The following LOC128125817 variants were observed in gnomAD, a reference collection of about 807,000 sequenced individuals.
At chr1:41,589,538 A>G in the LOC128125817 span, among the ~76,000 whole-genome samples, 1 of 152,256 alleles carries the variant, frequency 6.6e-6, no homozygotes, top group East Asian at 1.9e-4. Flanking sequence ...CGAAGGCGTC[A>G]GGACAACATG....
the LOC128125817 span, among the ~76,000 whole-genome samples, chr1:41,614,470 A>G: frequency 6.6e-6 from 1 of 152,222 alleles, no homozygotes; most frequent in African/African-American, 2.4e-5. Context: ...TCCTTTCTGC[A>G]GGGCTTCAGT....
the LOC128125817 span, among the ~76,000 whole-genome samples, chr1:41,608,575 G>T: frequency 6.6e-6 from 1 of 152,166 alleles, no homozygotes; most frequent in African/African-American, 2.4e-5. Context: ...TGCTTTGTTG[G>T]CTCTCAGCTT....
chr1:41,589,603 T>C, the LOC128125817 span, among the ~76,000 whole-genome samples: 2 of 152,266 alleles, frequency 1.3e-5, no homozygotes, highest in East Asian at 3.9e-4. Flanking sequence ...AGGTGGGAGA[T>C]GGGCTCTCTC....
At chr1:41,622,174 G>A in the LOC128125817 span, among the ~76,000 whole-genome samples, 9 of 152,178 alleles carry the variant, frequency 5.9e-5, no homozygotes, top group East Asian at 1.9e-4. Flanking sequence ...GAGGAAGGCC[G>A]AATCCCTGCC....
the LOC128125817 span, among the ~76,000 whole-genome samples, chr1:41,627,338 TAA>T: frequency 6.6e-6 from 1 of 152,214 alleles, no homozygotes; most frequent in African/African-American, 2.4e-5. Context: ...CTTAAACCAG[TAA>T]GTGCCTCACA....
At chr1:41,607,449 T>C in the LOC128125817 span, among the ~76,000 whole-genome samples, 1 of 152,256 alleles carries the variant, frequency 6.6e-6, no homozygotes, top group Admixed American at 6.5e-5. Flanking sequence ...GCTATCTTCA[T>C]AGCAACCTGC....
chr1:41,598,963 G>A, the LOC128125817 span, among the ~76,000 whole-genome samples: 3 of 152,020 alleles, frequency 2.0e-5, no homozygotes, highest in South Asian at 4.2e-4. Flanking sequence ...CTACAGACAC[G>A]TGCCACCATG....
At chr1:41,624,507 T>C in the LOC128125817 span, among the ~76,000 whole-genome samples, 1 of 151,628 alleles carries the variant, frequency 6.6e-6, no homozygotes, top group Non-Finnish European at 1.5e-5. Flanking sequence ...TTGAAATGTA[T>C]CTTCAGTTAG....
the LOC128125817 span, among the ~76,000 whole-genome samples, chr1:41,611,044 T>C: frequency 1.1e-4 from 16 of 152,282 alleles, no homozygotes; most frequent in African/African-American, 3.8e-4. Context: ...AATCCCACAC[T>C]GTGAGAAAGA....
the LOC128125817 span, among the ~76,000 whole-genome samples, chr1:41,606,803 G>T: frequency 1.3e-5 from 2 of 151,624 alleles, no homozygotes; most frequent in Non-Finnish European, 2.9e-5. Context: ...CCACTGTACT[G>T]GAGCATCTTG....
the LOC128125817 span, among the ~76,000 whole-genome samples, chr1:41,601,967 T>C: frequency 6.6e-6 from 1 of 152,222 alleles, no homozygotes; most frequent in Non-Finnish European, 1.5e-5. Context: ...TGTTGAATTT[T>C]GTCAAATGCC....
the LOC128125817 span, among the ~76,000 whole-genome samples, chr1:41,592,974 T>A: frequency 6.6e-6 from 1 of 152,118 alleles, no homozygotes; most frequent in African/African-American, 2.4e-5. Context: ...TGTCACCACC[T>A]CCACCCCTGT....
chr1:41,605,367 GCACACGCGCACA>G, the LOC128125817 span, among the ~76,000 whole-genome samples: 2 of 111,734 alleles, frequency 1.8e-5, no homozygotes, highest in East Asian at 2.9e-4. Flanking sequence ...ATACACACAC[GCACACGCGCACA>G]CACACACACA....
chr1:41,602,373 T>G, the LOC128125817 span, among the ~76,000 whole-genome samples: 1 of 152,304 alleles, frequency 6.6e-6, no homozygotes, highest in East Asian at 1.9e-4. Flanking sequence ...AGCTATCTGG[T>G]CCTGGGCTTT....
the LOC128125817 span, among the ~76,000 whole-genome samples, chr1:41,601,480 T>C: frequency 2.6e-5 from 4 of 152,170 alleles, no homozygotes; most frequent in African/African-American, 4.8e-5. Context: ...CTTAGCTAAG[T>C]TCATTCCTAA....
the LOC128125817 span, among the ~76,000 whole-genome samples, chr1:41,603,419 G>A: frequency 2.0e-5 from 3 of 150,686 alleles, no homozygotes; most frequent in Non-Finnish European, 4.4e-5. Flanking sequence ...GAGAGCAGTG[G>A]TGTGATCTCA....
At chr1:41,585,646 G>T in the LOC128125817 span, among the ~76,000 whole-genome samples, 35 of 152,172 alleles carry the variant, frequency 2.3e-4, no homozygotes, top group African/African-American at 8.2e-4. Context: ...CAGAGGCCTG[G>T]GCTCTCATCT....
chr1:41,622,270 CA>C, the LOC128125817 span, among the ~76,000 whole-genome samples: 15 of 152,050 alleles, frequency 9.9e-5, no homozygotes, highest in African/African-American at 3.6e-4. Context: ...CACAGAATCC[CA>C]GAGTAAAGGT....
At chr1:41,603,253 C>T in the LOC128125817 span, among the ~76,000 whole-genome samples, 1 of 151,754 alleles carries the variant, frequency 6.6e-6, no homozygotes, top group East Asian at 1.9e-4. Flanking sequence ...TCTTTAGTAG[C>T]GATGTGGTTT....
Sources: allele counts gnomAD v4.1 joint callset (sites outside exome capture counted in the v4.1 genomes callset), GRCh38; gene constraint gnomAD v4.1.1; transcripts MANE v1.5.